NCS1: variants seen among roughly 807,000 people sequenced by gnomAD.
The protein encoded by NCS1 is neuronal calcium sensor 1.
In NCS1, 6 loss-of-function variants were observed where a neutral mutation model predicts 28.4. That is an observed-to-expected ratio of 0.21 (90% CI 0.12 to 0.42). The LOEUF (loss-of-function observed/expected upper bound fraction) is 0.42, where lower values mean the gene tolerates loss of function less well. Ranked by LOEUF, NCS1 falls within the 10% of genes least tolerant of loss-of-function variation. The probability of loss-of-function intolerance (pLI) is 1.00; values close to 1 mark genes in which losing one functional copy is unlikely to be tolerated. For missense variants in NCS1, 131 were observed against 241.4 expected (o/e 0.54, Z 3.03); for synonymous variants, 86 against 99.3 (o/e 0.87, Z 0.79).
intron 4 of NCS1, among the ~76,000 whole-genome samples, chr9:130,221,185 G>A (rs1179901391): frequency 6.6e-6 from 1 of 151,596 alleles, no homozygotes; most frequent in Non-Finnish European, 1.5e-5. Context: ...CACCACACCT[G>A]GCTAATTTTT....
chr9:130,208,787 C>T (rs974789245), intron 2 of NCS1, among the ~76,000 whole-genome samples: 6 of 152,076 alleles, frequency 3.9e-5, no homozygotes, highest in Non-Finnish European at 7.3e-5. Flanking sequence ...GAAACGGTGC[C>T]GTGCGGAGAA....
chr9:130,198,131 C>T (rs1346895867), intron 1 of NCS1, among the ~76,000 whole-genome samples: 1 of 152,210 alleles, frequency 6.6e-6, no homozygotes, highest in Non-Finnish European at 1.5e-5. Flanking sequence ...ACCCTAGCTC[C>T]GGTTCCCTGG....
At chr9:130,228,836 AT>A (rs1349291185) in intron 7 of NCS1, among the ~76,000 whole-genome samples, 1 of 150,674 alleles carries the variant, frequency 6.6e-6, no homozygotes, top group Non-Finnish European at 1.5e-5. Context: ...CGCCTGGCTA[AT>A]TTTTCCATTT....
rs1486582803 is a variant in NCS1 at position 130,186,250 on chromosome 9, G to A, written c.64+13523G>A. 6.6e-6 allele frequency among the ~76,000 whole-genome samples: 1 copy of A among 152,194 alleles called. No individual in the cohort carries two copies. Among genetic ancestry groups the A allele is most frequent in the Non-Finnish European group, 1.5e-5 (1 of 68,036 alleles). ...TGGCCCTGCTGGCATTCACAGTTTG[G>A]CGGGGAGGCAGATGTCAGGCTGGGA... On this transcript the variant is annotated intron_variant, in intron 1 of 7. Coordinates refer to ENST00000372398, the MANE Select transcript of NCS1 (RefSeq NM_014286.4). The surrounding 1 kb of genome is among the most constrained non-coding windows in gnomAD (Gnocchi z 4.1).
Position 130,223,128 on chromosome 9 carries a change from G to A in NCS1, c.443G>A (p.Arg148Lys). 6.2e-7 allele frequency: 1 copy of A among 1,614,000 alleles called. No homozygotes were observed. The highest frequency in any genetic ancestry group is 1.1e-5 in the South Asian group (1 of 91,056). ...GAGGAGGAGAACACTCCTGAGAAGA[G>A]GGTGGACCGGATCTTTGCCATGATG... ...LPEEENTPEK[R>K]VDRIFAMMDK... Residue 148 changes from arginine (R) to lysine (K), a missense_variant, in exon 6 of 8, where the codon AGG becomes AAG. This residue lies in a region of NCS1 where 100 missense variants were observed against 210.3 expected (regional missense o/e 0.48). Transcript: ENST00000372398.
intron 2 of NCS1, among the ~76,000 whole-genome samples, chr9:130,202,986 G>A (rs1832973735): frequency 6.6e-6 from 1 of 151,872 alleles, no homozygotes; most frequent in South Asian, 2.1e-4. Context: ...AGGTGGCAGG[G>A]TTGGGATGAA....
At position 130,175,108 on chromosome 9, in the gene NCS1, T is replaced by C. The variant is rs911499042; in HGVS notation, c.64+2381T>C. Among the ~76,000 whole-genome samples, 5 of 152,142 alleles carry C rather than the reference T, an allele frequency of 3.3e-5. No homozygotes were observed. Among genetic ancestry groups the C allele is most frequent in the Non-Finnish European group, 5.9e-5 (4 of 68,030 alleles). On this transcript the variant is annotated intron_variant, in intron 1 of 7. Coordinates refer to ENST00000372398, the MANE Select transcript of NCS1 (RefSeq NM_014286.4). The surrounding 1 kb of genome is among the most constrained non-coding windows in gnomAD (Gnocchi z 4.9). The stretch of plus-strand genomic sequence containing the variant: ...GCCGTTGGAGGTGGCGGTGGGTTCA[T>C]TGGCCTCCTGTCTGCCTCCCGCGCT...
rs1395643854 is a variant in NCS1, at chr9:130,233,910, T to TC, written c.*941dup. Reference sequence around the variant, plus strand: ...CGAATGCCTCCTGCCAAACCCCTTTTCCCTGCTGCCTCTGTCCCCGCATCC... The same window carrying TC: ...CGAATGCCTCCTGCCAAACCCCTTTTCCCCTGCTGCCTCTGTCCCCGCATCC... On this transcript the variant is annotated 3_prime_UTR_variant, in exon 8 of 8. Transcript: ENST00000372398. This position sits in a 1 kb window ranked among gnomAD's most constrained non-coding sequence, Gnocchi z 4.8. The TC allele has an allele frequency of 4.6e-5, 7 of 152,150 alleles. No individual in the cohort carries two copies. The highest frequency in any genetic ancestry group is 7.3e-5 in the Non-Finnish European group (5 of 68,068). The allele number at this position is 152,150 out of a possible 1,614,324, so 9.4% of individuals were successfully genotyped here.
rs540884596 is a variant in NCS1 at position 130,191,752 on chromosome 9, C to T, written c.65-9206C>T. ...CACAGCTGCTCACTGCTGCACATGG[C>T]GGTCTGATGGCCCTGGTGGGCAGCC... On this transcript the variant is annotated intron_variant, in intron 1 of 7. Transcript: ENST00000372398. The surrounding 1 kb of genome is among the most constrained non-coding windows in gnomAD (Gnocchi z 6.4). 3.3e-5 allele frequency among the ~76,000 whole-genome samples: 5 copies of T among 152,386 alleles called. No homozygotes were observed. Among genetic ancestry groups the T allele is most frequent in the South Asian group, 2.1e-4 (1 of 4,834 alleles).
chr9:130,218,048 C>A, intron 3 of NCS1, 78 bp downstream of exon 3: 1 of 1,571,686 alleles, frequency 6.4e-7, no homozygotes, highest in Non-Finnish European at 8.7e-7. Context: ...CACCCACTCT[C>A]TCCTGCCGAT....
At chr9:130,210,620 T>A (rs1378412606) in intron 2 of NCS1, among the ~76,000 whole-genome samples, 1 of 151,634 alleles carries the variant, frequency 6.6e-6, no homozygotes, top group Non-Finnish European at 1.5e-5. Context: ...CAATCTCAGC[T>A]CATTTGTCCA....
At chr9:130,208,478 C>T (rs187118877) in intron 2 of NCS1, among the ~76,000 whole-genome samples, 1 of 152,012 alleles carries the variant, frequency 6.6e-6, no homozygotes, top group Non-Finnish European at 1.5e-5. Context: ...GGGGGTTTCA[C>T]GTTGGCCAGG....
chr9:130,205,121 A>G (rs7035681), intron 2 of NCS1, among the ~76,000 whole-genome samples: 137,686 of 152,070 alleles, frequency 0.91, 62,650 homozygotes, highest in East Asian at 1. Context: ...GAGGTCAGGC[A>G]AGGCTGCTCT....
intron 4 of NCS1, among the ~76,000 whole-genome samples, chr9:130,221,413 T>G (rs7873675): frequency 0.49 from 26,331 of 53,842 alleles, 4,423 homozygotes; most frequent in Non-Finnish European, 0.55. Flanking sequence ...TATATATATA[T>G]AGAGAGAGAG....
chr9:130,187,127 C>CT (rs1554905710), intron 1 of NCS1, among the ~76,000 whole-genome samples: 1 of 152,100 alleles, frequency 6.6e-6, no homozygotes, highest in Non-Finnish European at 1.5e-5. Context: ...GGAGGAGTGT[C>CT]TCGGAAAGCA....
intron 4 of NCS1, among the ~76,000 whole-genome samples, chr9:130,221,988 CATAAATATAAATTATGTA>C (rs1833328158): frequency 1.1e-5 from 1 of 90,650 alleles, no homozygotes; most frequent in East Asian, 2.7e-4. Flanking sequence ...AATATATATA[CATAAATATAAATTATGTA>C]TATAAATATA....
chr9:130,195,965 G>A (rs555575836), intron 1 of NCS1, among the ~76,000 whole-genome samples: 64 of 152,350 alleles, frequency 4.2e-4, no homozygotes, highest in Admixed American at 4.1e-3. Flanking sequence ...GGGAGGCAGA[G>A]GCGGAGGCCC....
intron 1 of NCS1, among the ~76,000 whole-genome samples, chr9:130,183,857 T>C (rs188679675): frequency 9.3e-5 from 14 of 151,080 alleles, no homozygotes; most frequent in Non-Finnish European, 1.5e-4. Flanking sequence ...TCGCCCAGGC[T>C]GGAGTGCAGT....
At chr9:130,229,004 A>G (rs1412175203) in intron 7 of NCS1, among the ~76,000 whole-genome samples, 1 of 151,912 alleles carries the variant, frequency 6.6e-6, no homozygotes, top group East Asian at 1.9e-4. Flanking sequence ...TGTTATTATT[A>G]TTATTATTTT....
Sources: allele counts gnomAD v4.1 joint callset (sites outside exome capture counted in the v4.1 genomes callset), GRCh38; gene constraint gnomAD v4.1.1; regional missense constraint gnomAD v4.1.1; non-coding constraint Gnocchi (gnomAD v3.1); transcripts MANE v1.5; gene names NCBI Gene and HGNC (gene_info 2026-07-23, HGNC 2026-07-21).